SSH1: variants seen among roughly 807,000 people sequenced by gnomAD.
The protein encoded by SSH1 is slingshot protein phosphatase 1.
In SSH1, 43 loss-of-function variants were observed where a neutral mutation model predicts 79.7. That is an observed-to-expected ratio of 0.54 (90% CI 0.42 to 0.70). The LOEUF (loss-of-function observed/expected upper bound fraction) is 0.70, where lower values mean the gene tolerates loss of function less well. SSH1 is among the 30% of genes least tolerant of loss of function. The pLI is 0.00. For synonymous variants in SSH1, 599 were observed against 538.3 expected, an observed-to-expected ratio of 1.11 and a Z score of -1.56; for missense variants, 1,206 against 1,358.8, an observed-to-expected ratio of 0.89 and a Z score of 1.77.
rs1363279349 is a variant in SSH1, at chr12:108,782,053, A to G, written c.*5935T>C. The G allele has an allele frequency of 1.3e-5, 2 of 149,450 alleles. No individual in the cohort carries two copies. Among genetic ancestry groups the G allele is most frequent in the Non-Finnish European group, 1.5e-5 (1 of 67,708 alleles). 9.3% of individuals were successfully genotyped at this position (149,450 alleles called of 1,614,324 possible). ...TTGCTTGAGGCAGGAGGATCACTTTAGCCTAGGAAGTCGAGGTTGCAGTGA... is the reference window on the plus strand; with the variant it reads ...TTGCTTGAGGCAGGAGGATCACTTTGGCCTAGGAAGTCGAGGTTGCAGTGA... On this transcript the variant is annotated 3_prime_UTR_variant, in exon 15 of 15. Coordinates refer to ENST00000326495, the MANE Select transcript of SSH1 (RefSeq NM_018984.4).
At chr12:108,795,638 T>C (rs544319099) in intron 13 of SSH1, among the ~76,000 whole-genome samples, 1 of 152,110 alleles carries the variant, frequency 6.6e-6, no homozygotes, top group Admixed American at 6.6e-5. Flanking sequence ...GAAGGATCGA[T>C]TGAGCCCAGG....
chr12:108,803,520 G>A (rs1170587042), intron 10 of SSH1, among the ~76,000 whole-genome samples: 1 of 152,160 alleles, frequency 6.6e-6, no homozygotes, highest in Non-Finnish European at 1.5e-5. Context: ...GGGTGGCAGG[G>A]CCCTGAGCAA....
At chr12:108,853,358 G>T in intron 1 of SSH1, 1 of 984,932 alleles carries the variant, frequency 1.0e-6, no homozygotes, top group Non-Finnish European at 1.2e-6. Context: ...TTTTCTTTCA[G>T]AGAGCAAACT....
chr12:108,823,239 A>T lies in SSH1; in HGVS notation c.214+19T>A. ...AGAAAAGAAGCTCCAATGTAAGAGT[A>T]TCAACTTAGAGCCCTCACCTGCATG... On this transcript the variant is annotated intron_variant, in intron 3 of 14. Coordinates refer to ENST00000326495, the MANE Select transcript of SSH1 (RefSeq NM_018984.4). 2 of 1,558,216 alleles carry T rather than the reference A, an allele frequency of 1.3e-6. No individual in the cohort carries two copies. The highest frequency in any genetic ancestry group is 1.7e-6 in the Non-Finnish European group (2 of 1,147,566).
At chr12:108,854,824 G>A (rs2039112114) in intron 1 of SSH1, among the ~76,000 whole-genome samples, 1 of 152,182 alleles carries the variant, frequency 6.6e-6, no homozygotes, top group Admixed American at 6.5e-5. Context: ...CAACTCAAGC[G>A]AGGGCGGACC....
chr12:108,807,060 C>T lies in SSH1; in HGVS notation c.731+573G>A, dbSNP rs1022330817. On this transcript the variant is annotated intron_variant, in intron 8 of 14. Coordinates refer to ENST00000326495, the MANE Select transcript of SSH1 (RefSeq NM_018984.4). The surrounding 1 kb of genome is among the most constrained non-coding windows in gnomAD (Gnocchi z 5.2). ...CACTGTGGGAGCAGGGTCCTGACCC[C>T]GAGGGGAGGGGCGACCAGCATTCTC... Among the ~76,000 whole-genome samples the T allele has an allele frequency of 2.6e-5, 4 of 152,190 alleles. No homozygotes were observed. Among genetic ancestry groups the T allele is most frequent in the East Asian group, 1.9e-4 (1 of 5,182 alleles).
In SSH1 at chr12:108,782,058, AG is replaced by A. The variant is rs1319954764; in HGVS notation, c.*5929del. ...TGAGGCAGGAGGATCACTTTAGCCT[AG>A]GAAGTCGAGGTTGCAGTGAGCTATG... On this transcript the variant is annotated 3_prime_UTR_variant, in exon 15 of 15. Transcript: ENST00000326495. 3 of 149,358 alleles carry A rather than the reference AG, an allele frequency of 2.0e-5. No homozygotes were observed. The highest frequency in any genetic ancestry group is 7.4e-5 in the African/African-American group (3 of 40,536). The allele number at this position is 149,358 out of a possible 1,614,324, so 9.3% of individuals were successfully genotyped here.
chr12:108,843,647 G>T (rs895271406), intron 2 of SSH1, among the ~76,000 whole-genome samples: 1 of 152,124 alleles, frequency 6.6e-6, no homozygotes, highest in African/African-American at 2.4e-5. Flanking sequence ...TGATTCTCCT[G>T]CCTCAGCCTC....
chr12:108,853,939 C>T (rs527755545), intron 1 of SSH1, among the ~76,000 whole-genome samples: 54 of 146,548 alleles, frequency 3.7e-4, no homozygotes, highest in African/African-American at 1.0e-3. Context: ...AAAAAAAAAG[C>T]GTACACCAGA....
rs1047107721 is a variant in SSH1, at chr12:108,817,360, G to C, written c.280-201C>G. 3 of 621,498 alleles carry C rather than the reference G, an allele frequency of 4.8e-6. No individual in the cohort carries two copies. In the African/African-American group the frequency reaches 5.5e-5, roughly 11 times the overall value. The allele number at this position is 621,498 out of a possible 1,614,324, so 38.5% of individuals were successfully genotyped here. A position where few individuals can be genotyped will look rare whatever the true frequency, so the allele number is the denominator to read the frequency against. On this transcript the variant is annotated intron_variant, in intron 4 of 14. Coordinates refer to ENST00000326495, the MANE Select transcript of SSH1 (RefSeq NM_018984.4). ...AGGCCAAGGTAGGCAGATCACTTGA[G>C]GTCAGGAGTTCGAGACCAGCCTGGC...
intron 2 of SSH1, chr12:108,837,138 A>C (rs541261985): frequency 5.6e-4 from 188 of 335,836 alleles, no homozygotes; most frequent in African/African-American, 3.7e-3. Context: ...GCGCTAAGGC[A>C]CAAGAATCGC....
chr12:108,852,505 C>G, intron 2 of SSH1, 133 bp downstream of exon 2: 1 of 1,030,226 alleles, frequency 9.7e-7, no homozygotes, highest in Non-Finnish European at 1.5e-6. Context: ...GCTGGAATTA[C>G]AGGCGTGACC....
Position 108,800,776 on chromosome 12 carries a change from T to G in SSH1, c.1148+4A>C. 1 of 1,612,908 alleles carries G rather than the reference T, an allele frequency of 6.2e-7. No individual in the cohort carries two copies. Among genetic ancestry groups the G allele is most frequent in the Non-Finnish European group, 8.5e-7 (1 of 1,179,488 alleles). On this transcript the variant is annotated splice_donor_region_variant and intron_variant, in intron 12 of 14. Transcript: ENST00000326495. ...TCCTCAGCCCCGCCTCTCTGTCCACTTACTTCGCTTTGTTTATAAAATGAT... is the reference window on the plus strand; with the variant it reads ...TCCTCAGCCCCGCCTCTCTGTCCACGTACTTCGCTTTGTTTATAAAATGAT...
rs2036271188 is a variant in SSH1, at chr12:108,786,314, A to G, written c.*1674T>C. The stretch of plus-strand genomic sequence containing the variant: ...TTCACCTGCCTTCCCCCATGTACGC[A>G]ACCTACTCCATCCTGCACAGGTGAG... On this transcript the variant is annotated 3_prime_UTR_variant, in exon 15 of 15. Transcript: ENST00000326495. The G allele has an allele frequency of 2.0e-5, 3 of 152,238 alleles. No individual in the cohort carries two copies. Among genetic ancestry groups the G allele is most frequent in the Non-Finnish European group, 4.4e-5 (3 of 68,062 alleles). The allele number at this position is 152,238 out of a possible 1,614,324, so 9.4% of individuals were successfully genotyped here. A position where few individuals can be genotyped will look rare whatever the true frequency, so the allele number is the denominator to read the frequency against.
rs533950838 is a variant in SSH1 at position 108,789,080 on chromosome 12, G to A, written c.2058C>T (p.Ile686=). Residue 686 remains isoleucine (I), a synonymous_variant, in exon 15 of 15, where the codon ATC becomes ATT. Transcript: ENST00000326495. ...ICTQPAFLPH[I]TSSPVAHLAS... Reference sequence around the variant, plus strand: ...CCAAGTGGGCCACAGGGGAGGACGTGATGTGGGGTAGGAAGGCTGGCTGGG... The same window carrying A: ...CCAAGTGGGCCACAGGGGAGGACGTAATGTGGGGTAGGAAGGCTGGCTGGG... 113 of 1,613,274 alleles carry A rather than the reference G, an allele frequency of 7.0e-5. No individual in the cohort carries two copies. In the South Asian group the frequency reaches 1.2e-3, roughly 17 times the overall value.
In SSH1 at chr12:108,799,077, C is replaced by T; in HGVS notation, c.1272G>A (p.Lys424=). 1 of 1,614,188 alleles carries T rather than the reference C, an allele frequency of 6.2e-7. No individual in the cohort carries two copies. Among genetic ancestry groups the T allele is most frequent in the Non-Finnish European group, 8.5e-7 (1 of 1,180,054 alleles). ...TGGGGCGCGTGATGCTGCGCTTCTGCTTTACATAGTTATATGCTTTTTCCA... is the reference window on the plus strand; with the variant it reads ...TGGGGCGCGTGATGCTGCGCTTCTGTTTTACATAGTTATATGCTTTTTCCA... ...WPLEKAYNYV[K]QKRSITRPNA... Residue 424 remains lysine (K), a synonymous_variant, in exon 13 of 15, where the codon AAG becomes AAA. Coordinates refer to ENST00000326495, the MANE Select transcript of SSH1 (RefSeq NM_018984.4).
At chr12:108,800,973 G>T in intron 11 of SSH1, 47 bp from the exon 12 acceptor site, 2 of 1,570,032 alleles carry the variant, frequency 1.3e-6, no homozygotes, top group Non-Finnish European at 1.7e-6. Context: ...ATCTGAATGA[G>T]AAAGAAAAGC....
chr12:108,795,497 C>T (rs987712392), intron 13 of SSH1, among the ~76,000 whole-genome samples: 4 of 152,006 alleles, frequency 2.6e-5, no homozygotes, highest in African/African-American at 7.2e-5. Flanking sequence ...TCAGGTGATC[C>T]GCCTGCATCG....
chr12:108,788,265 A>G lies in SSH1; in HGVS notation c.2873T>C (p.Ile958Thr), dbSNP rs1169072847. The G allele has an allele frequency of 1.9e-6, 3 of 1,613,756 alleles. No homozygotes were observed. The highest frequency in any genetic ancestry group is 2.5e-6 in the Non-Finnish European group (3 of 1,179,998). ...PGLVKQRTQEIETRLRLAGLT... is the reference protein window; with the variant it reads ...PGLVKQRTQETETRLRLAGLT... ...GCCCGCCAGCCGGAGCCGGGTCTCA[A>G]TCTCCTGTGTCCGCTGCTTCACCAG... The change falls in exon 15 of 15, where the codon ATT becomes ACT. Residue 958 changes from isoleucine (I) to threonine (T), a missense_variant. Physicochemically the swap from Ile to Thr is moderately conservative, Grantham distance 89. Around this residue, in one of 5 missense-constraint regions of SSH1, gnomAD observed 709 missense variants for 730.6 expected, o/e 0.97. Coordinates refer to ENST00000326495, the MANE Select transcript of SSH1 (RefSeq NM_018984.4).
Sources: gnomAD v4.1 joint callset for allele counts (sites outside exome capture counted in the v4.1 genomes callset) on GRCh38, gnomAD v4.1.1 for gene constraint, gnomAD v4.1.1 regional missense constraint, Gnocchi (gnomAD v3.1) non-coding constraint, MANE v1.5 for transcripts, NCBI Gene and HGNC (gene_info 2026-07-23, HGNC 2026-07-21) for gene names.